The following KDM4C variants were observed in gnomAD, a reference collection of about 807,000 sequenced individuals.
The protein encoded by KDM4C is lysine-specific demethylase 4C.
A neutral mutation model predicts 129.3 loss-of-function variants in KDM4C; 81 were observed. The observed-to-expected ratio is 0.63, with a 90% CI of 0.52 to 0.75. The LOEUF (loss-of-function observed/expected upper bound fraction) is 0.75. Ranked by LOEUF, KDM4C falls within the 30% of genes least tolerant of loss-of-function variation. KDM4C has a pLI of 0.00. For synonymous variants in KDM4C, 573 were observed against 456.1 expected (o/e 1.26, Z -3.26); for missense variants, 1,457 against 1,304.0 (o/e 1.12, Z -1.81).
intron 17 of KDM4C, among the ~76,000 whole-genome samples, chr9:7,070,087 T>C (rs1453745541): frequency 6.6e-6 from 1 of 152,078 alleles, no homozygotes; most frequent in Non-Finnish European, 1.5e-5. Flanking sequence ...ACTGACAAAA[T>C]CAAACAAGTA....
chr9:7,019,977 G>T (rs142095651), intron 15 of KDM4C, among the ~76,000 whole-genome samples: 1 of 151,650 alleles, frequency 6.6e-6, no homozygotes, highest in East Asian at 1.9e-4. Context: ...AGTAGATGTC[G>T]CTCTAGACTC....
intron 12 of KDM4C, among the ~76,000 whole-genome samples, chr9:6,992,019 C>CTTT (rs3072730): frequency 7.3e-5 from 11 of 149,768 alleles, no homozygotes; most frequent in South Asian, 6.3e-4. Flanking sequence ...AGTTCTTTTT[C>CTTT]TTTTTTTTTT....
At chr9:7,065,289 A>T (rs1436913995) in intron 17 of KDM4C, among the ~76,000 whole-genome samples, 4 of 152,164 alleles carry the variant, frequency 2.6e-5, no homozygotes, top group Non-Finnish European at 5.9e-5. Context: ...GGGAATATAA[A>T]ATATATTCCA....
In KDM4C at chr9:7,081,317, A is replaced by G. The variant is rs113929632; in HGVS notation, c.2425-22368A>G. Among the ~76,000 whole-genome samples the G allele has an allele frequency of 4.4e-3, 669 of 152,324 alleles. 5 individuals are homozygous for G. The highest frequency in any genetic ancestry group is 0.012 in the African/African-American group (515 of 41,570). On this transcript the variant is annotated intron_variant, in intron 17 of 21. Coordinates refer to ENST00000381309, the MANE Select transcript of KDM4C (RefSeq NM_015061.6). ...GAAATTGAAGAATAACTAGGTGCCT[A>G]AAGCGCTAAGGGAAGAACTTAGTCT...
chr9:7,032,962 C>G (rs10283547), intron 15 of KDM4C, among the ~76,000 whole-genome samples: 2 of 152,128 alleles, frequency 1.3e-5, no homozygotes, highest in Admixed American at 1.3e-4. Context: ...AGGACCTTTC[C>G]CAGAACTGGA....
intron 17 of KDM4C, among the ~76,000 whole-genome samples, chr9:7,072,627 C>G (rs1355248372): frequency 6.6e-6 from 1 of 152,162 alleles, no homozygotes; most frequent in East Asian, 1.9e-4. Flanking sequence ...GGTGGAGTCA[C>G]TGACTACAAA....
At chr9:7,102,699 A>C (rs562547060) in intron 17 of KDM4C, among the ~76,000 whole-genome samples, 1 of 152,312 alleles carries the variant, frequency 6.6e-6, no homozygotes, top group African/African-American at 2.4e-5. Flanking sequence ...GCTTGAGTTT[A>C]AGTACCTTTA....
chr9:6,954,352 T>G (rs1294204904), intron 8 of KDM4C, among the ~76,000 whole-genome samples: 1 of 152,190 alleles, frequency 6.6e-6, no homozygotes. Flanking sequence ...GGCTATGGTA[T>G]AATTAATTAT....
rs528251791 is a variant in KDM4C, at chr9:7,170,317, G to A, written c.2994+427G>A. 67 of 1,027,864 alleles carry A rather than the reference G, an allele frequency of 6.5e-5. No homozygotes were observed. In the African/African-American group the frequency reaches 1.0e-3, roughly 16 times the overall value. 63.7% of individuals were successfully genotyped at this position (1,027,864 alleles called of 1,614,324 possible). A position where few individuals can be genotyped will look rare whatever the true frequency, so the allele number is the denominator to read the frequency against. Reference sequence around the variant, plus strand: ...GTCTATTCTTTTATAGGTTTTTCATGGATTGACTACCTTCTGTCTCAGAAA... The same window carrying A: ...GTCTATTCTTTTATAGGTTTTTCATAGATTGACTACCTTCTGTCTCAGAAA... On this transcript the variant is annotated intron_variant, in intron 21 of 21. Coordinates refer to ENST00000381309, the MANE Select transcript of KDM4C (RefSeq NM_015061.6).
chr9:6,878,687 C>T (rs1390702969), intron 5 of KDM4C, among the ~76,000 whole-genome samples: 1 of 152,106 alleles, frequency 6.6e-6, no homozygotes, highest in African/African-American at 2.4e-5. Flanking sequence ...TAAATATCTC[C>T]ATATCCTACC....
chr9:6,793,788 C>G (rs1487389609), intron 2 of KDM4C, among the ~76,000 whole-genome samples: 1 of 152,124 alleles, frequency 6.6e-6, no homozygotes, highest in African/African-American at 2.4e-5. Flanking sequence ...GGTGATCCAT[C>G]CGCCTCGGCT....
At chr9:6,757,838 T>G (rs553689846), upstream of KDM4C, 59 of 985,528 alleles carry the variant, frequency 6.0e-5, no homozygotes, top group South Asian at 2.4e-3. Context: ...CCAGCAAGCC[T>G]AAGTTAACCA....
intron 17 of KDM4C, among the ~76,000 whole-genome samples, chr9:7,055,811 G>C (rs761186761): frequency 2.0e-5 from 3 of 152,224 alleles, no homozygotes; most frequent in Non-Finnish European, 4.4e-5. Context: ...TGTGCTGTAA[G>C]ATCACTCAGA....
chr9:6,851,963 AT>A (rs1293950701), intron 5 of KDM4C, among the ~76,000 whole-genome samples: 1 of 152,242 alleles, frequency 6.6e-6, no homozygotes, highest in Non-Finnish European at 1.5e-5. Flanking sequence ...CATCAGACGC[AT>A]TAAGAGTAGA....
At chr9:7,095,638 A>G (rs973426356) in intron 17 of KDM4C, among the ~76,000 whole-genome samples, 1 of 152,202 alleles carries the variant, frequency 6.6e-6, no homozygotes, top group African/African-American at 2.4e-5. Flanking sequence ...AATCATTAAA[A>G]TATTATAGTT....
intron 8 of KDM4C, among the ~76,000 whole-genome samples, chr9:6,938,223 T>C (rs1825178809): frequency 6.6e-6 from 1 of 152,008 alleles, no homozygotes; most frequent in Non-Finnish European, 1.5e-5. Context: ...ATATATATTA[T>C]AGGATGAACA....
At chr9:7,083,045 A>C (rs1050019314) in intron 17 of KDM4C, among the ~76,000 whole-genome samples, 2 of 152,220 alleles carry the variant, frequency 1.3e-5, no homozygotes, top group Non-Finnish European at 2.9e-5. Context: ...TTATCGAATA[A>C]GTAGAGTTCT....
Position 6,861,971 on chromosome 9 carries a change from C to T in KDM4C, c.629+12271C>T, listed in dbSNP as rs371841399. ...ATTTTTAGTAGAGATGGGGTTTTGC[C>T]GCGTTGGCCAGGCTGGTCTTGAACT... On this transcript the variant is annotated intron_variant, in intron 5 of 21. Coordinates refer to ENST00000381309, the MANE Select transcript of KDM4C (RefSeq NM_015061.6). 3.0e-4 allele frequency among the ~76,000 whole-genome samples: 45 copies of T among 152,048 alleles called. No individual in the cohort carries two copies. In the Middle Eastern group the frequency reaches 0.017, roughly 57 times the overall value.
chr9:6,866,305 G>A (rs976684568), intron 5 of KDM4C, among the ~76,000 whole-genome samples: 10 of 152,006 alleles, frequency 6.6e-5, no homozygotes, highest in Middle Eastern at 3.4e-3. Flanking sequence ...TTTTCTGCTA[G>A]GTTACTGTTT....
Sources: gnomAD v4.1 joint callset for allele counts (sites outside exome capture counted in the v4.1 genomes callset) on GRCh38, gnomAD v4.1.1 for gene constraint, MANE v1.5 for transcripts, NCBI Gene and HGNC (gene_info 2026-07-23, HGNC 2026-07-21) for gene names.